Variants in GRM7 observed in about 807,000 individuals in gnomAD.
GRM7 encodes the protein metabotropic glutamate receptor 7.
Under a neutral mutation model 84.5 loss-of-function variants are expected in GRM7, and 35 were observed. The observed-to-expected ratio is 0.41, with a 90% CI of 0.32 to 0.55. The LOEUF is 0.55. Ranked by LOEUF, GRM7 falls within the 20% of genes least tolerant of loss-of-function variation. The pLI is 0.19. For missense variants in GRM7, 1,003 were observed against 1,194.6 expected (o/e 0.84, Z 2.36); for synonymous variants, 487 against 455.1 (o/e 1.07, Z -0.89).
intron 4 of GRM7, among the ~76,000 whole-genome samples, chr3:7,322,609 T>C (rs1437822843): frequency 2.0e-5 from 3 of 151,842 alleles, no homozygotes; most frequent in Non-Finnish European, 2.9e-5. Flanking sequence ...CCTATGTCTT[T>C]GTGTCCTCAA....
At chr3:7,372,295 C>T (rs371244002) in intron 4 of GRM7, among the ~76,000 whole-genome samples, 4 of 152,038 alleles carry the variant, frequency 2.6e-5, no homozygotes, top group Non-Finnish European at 4.4e-5. Context: ...TTTTCTGGAA[C>T]CCTTAATTGT....
chr3:7,026,799 T>G (rs191933658), intron 1 of GRM7, among the ~76,000 whole-genome samples: 88 of 152,316 alleles, frequency 5.8e-4, no homozygotes, highest in African/African-American at 2.1e-3. Flanking sequence ...CTCCCTGACT[T>G]TATCACACCA....
chr3:7,433,866 C>T (rs1328565605), intron 5 of GRM7, among the ~76,000 whole-genome samples: 1 of 151,972 alleles, frequency 6.6e-6, no homozygotes, highest in Admixed American at 6.6e-5. Flanking sequence ...TAGTACACAC[C>T]CAAATGAGAG....
At chr3:7,677,275 A>C (rs9857029) in intron 8 of GRM7, among the ~76,000 whole-genome samples, 2,576 of 101,314 alleles carry the variant, frequency 0.025, 17 homozygotes, top group Middle Eastern at 0.044. Context: ...AAAAAAAAAA[A>C]AAAAAAAAAA....
chr3:7,224,843 G>A lies in GRM7; in HGVS notation c.737-73841G>A, dbSNP rs139140243. 1.0e-3 allele frequency among the ~76,000 whole-genome samples: 155 copies of A among 152,198 alleles called. 2 individuals are homozygous for A. In the East Asian group the frequency reaches 0.023, roughly 22 times the overall value. The stretch of plus-strand genomic sequence containing the variant: ...AGGTCATACCAAAAGTTGAATGCGT[G>A]CACCTAAGTCACTACCCACCACCCA... On this transcript the variant is annotated intron_variant, in intron 2 of 9. Coordinates refer to ENST00000357716, the MANE Select transcript of GRM7 (RefSeq NM_000844.4).
At chr3:7,691,629 G>T (rs1700803991) in intron 9 of GRM7, among the ~76,000 whole-genome samples, 1 of 151,982 alleles carries the variant, frequency 6.6e-6, no homozygotes, top group African/African-American at 2.4e-5. Context: ...TAACATTGTT[G>T]GTCTCTGCTC....
chr3:7,461,874 A>G, intron 7 of GRM7, 152 bp downstream of exon 7: 1 of 675,930 alleles, frequency 1.5e-6, no homozygotes, highest in Non-Finnish European at 2.6e-6. Context: ...ACTGATATCC[A>G]ATAATAATGA....
chr3:7,119,708 C>T (rs370474627), intron 1 of GRM7, among the ~76,000 whole-genome samples: 2 of 152,096 alleles, frequency 1.3e-5, no homozygotes, highest in Non-Finnish European at 1.5e-5. Flanking sequence ...TTTCTGTGAG[C>T]TCTTCCTCTG....
intron 1 of GRM7, among the ~76,000 whole-genome samples, chr3:7,069,236 A>T (rs1697777993): frequency 6.6e-6 from 1 of 151,968 alleles, no homozygotes; most frequent in Non-Finnish European, 1.5e-5. Context: ...GATTGTTCGC[A>T]CTGCTAGGCT....
At chr3:7,709,927 A>G (rs1335916592) in intron 9 of GRM7, among the ~76,000 whole-genome samples, 1 of 152,088 alleles carries the variant, frequency 6.6e-6, no homozygotes, top group African/African-American at 2.4e-5. Context: ...TGGAATGCAC[A>G]TTAGGCGCCC....
At chr3:7,423,779 A>G (rs1696493933) in intron 5 of GRM7, among the ~76,000 whole-genome samples, 1 of 152,156 alleles carries the variant, frequency 6.6e-6, no homozygotes, top group Non-Finnish European at 1.5e-5. Flanking sequence ...ATATCTCCAG[A>G]TAAAAACTTT....
rs544082221 is a variant in GRM7, at chr3:7,055,276, A to C, written c.520-91176A>C. Among the ~76,000 whole-genome samples the C allele has an allele frequency of 3.3e-5, 5 of 151,750 alleles. No homozygotes were observed. In the East Asian group the frequency reaches 9.8e-4, roughly 30 times the overall value. On this transcript the variant is annotated intron_variant, in intron 1 of 9. Transcript: ENST00000357716. The stretch of plus-strand genomic sequence containing the variant: ...TGCTTTAAATCAGCTATTTTTCAAG[A>C]CTGTTAATACCAATAACTATTCTTA...
At chr3:7,265,879 ATCT>A (rs1198441204) in intron 2 of GRM7, among the ~76,000 whole-genome samples, 2 of 152,150 alleles carry the variant, frequency 1.3e-5, no homozygotes, top group African/African-American at 4.8e-5. Flanking sequence ...TGATGGCATA[ATCT>A]TCTTAATCCT....
chr3:7,304,328 CTT>C (rs1700114190), intron 3 of GRM7, among the ~76,000 whole-genome samples: 1 of 128,470 alleles, frequency 7.8e-6, no homozygotes, highest in Non-Finnish European at 1.7e-5. Flanking sequence ...TTTTTTGCCT[CTT>C]GAGAGGTTAA....
chr3:7,420,938 A>G (rs1484080308), intron 5 of GRM7, among the ~76,000 whole-genome samples: 1 of 152,192 alleles, frequency 6.6e-6, no homozygotes, highest in Admixed American at 6.5e-5. Context: ...GTCACATCTA[A>G]AATCCTCATT....
chr3:7,162,943 A>G (rs1255493058), intron 2 of GRM7, among the ~76,000 whole-genome samples: 1 of 151,458 alleles, frequency 6.6e-6, no homozygotes, highest in Non-Finnish European at 1.5e-5. Flanking sequence ...TATTTTTAGT[A>G]GAGACATGAT....
intron 1 of GRM7, among the ~76,000 whole-genome samples, chr3:7,054,454 T>C (rs951276111): frequency 2.0e-5 from 3 of 151,376 alleles, no homozygotes; most frequent in African/African-American, 7.3e-5. Context: ...TGTGTGTTCT[T>C]GTCTGAGTGC....
At chr3:7,436,898 A>G (rs979726695) in intron 5 of GRM7, among the ~76,000 whole-genome samples, 3 of 150,088 alleles carry the variant, frequency 2.0e-5, no homozygotes, top group Non-Finnish European at 4.5e-5. Flanking sequence ...TTTGGAATCT[A>G]TATTCTGGCC....
chr3:7,059,506 T>C (rs1277117147), intron 1 of GRM7, among the ~76,000 whole-genome samples: 1 of 151,856 alleles, frequency 6.6e-6, no homozygotes, highest in Non-Finnish European at 1.5e-5. Flanking sequence ...CTTTGATCAT[T>C]ATTAGTCTAA....
Sources: gnomAD v4.1 joint callset for allele counts (sites outside exome capture counted in the v4.1 genomes callset) on GRCh38, gnomAD v4.1.1 for gene constraint, MANE v1.5 for transcripts, NCBI Gene and HGNC (gene_info 2026-07-23, HGNC 2026-07-21) for gene names.